CLIC6: variants seen among roughly 807,000 people sequenced by gnomAD.
CLIC6 encodes chloride intracellular channel protein 6.
A neutral mutation model predicts 49.2 loss-of-function variants in CLIC6; 39 were observed. The observed-to-expected ratio is 0.79, with a 90% confidence interval of 0.61 to 1.04. The LOEUF (loss-of-function observed/expected upper bound fraction) is 1.04. CLIC6 is among the 50% of genes least tolerant of loss of function. The pLI, the probability that CLIC6 is intolerant of heterozygous loss-of-function variation, is 0.00. For synonymous variants in CLIC6, 446 were observed against 433.4 expected (o/e 1.03, Z -0.36); for missense variants, 988 against 993.1 (o/e 0.99, Z 0.07).
In CLIC6 at chr21:34,708,776, A is replaced by G. The variant is rs777770990; in HGVS notation, c.1687A>G (p.Ile563Val). Residue 563 changes from isoleucine (I) to valine (V), a missense_variant, in exon 4 of 6, where the codon ATA (isoleucine) becomes GTA (valine). By Grantham distance (29) the Ile-to-Val change is conservative (BLOSUM62 3). Transcript: ENST00000349499. ...CGTGTTTGCCAAATTCTCAGCGTTT[A>G]TAAAAAACACGAAGAAGGATGCAAA... ...NDVFAKFSAF[I>V]KNTKKDANEI... 9 of 1,614,056 alleles carry G rather than the reference A, an allele frequency of 5.6e-6. No homozygotes were observed. In the South Asian group the frequency reaches 7.7e-5, roughly 14 times the overall value.
intron 5 of CLIC6, among the ~76,000 whole-genome samples, chr21:34,715,373 A>G (rs1265634751): frequency 3.3e-5 from 5 of 152,154 alleles, no homozygotes; most frequent in Non-Finnish European, 5.9e-5. Context: ...TATCGTTGCA[A>G]ACTGGGGAAA....
chr21:34,714,707 A>C (rs58920788), intron 5 of CLIC6, among the ~76,000 whole-genome samples: 20,558 of 151,384 alleles, frequency 0.14, 2,276 homozygotes, highest in African/African-American at 0.31. Context: ...AAAAAAAAAA[A>C]AAACTTGATA....
chr21:34,687,100 C>G lies in CLIC6; in HGVS notation c.1374+16338C>G, dbSNP rs145003506. 2.4e-3 allele frequency among the ~76,000 whole-genome samples: 361 copies of G among 152,282 alleles called. 2 individuals are homozygous for G. The highest frequency in any genetic ancestry group is 4.1e-3 in the Non-Finnish European group (282 of 68,032). On this transcript the variant is annotated intron_variant, in intron 1 of 5. Transcript: ENST00000349499. ...TGGGATATGCCATGACTGATGTCTC[C>G]TCTAAGCTAGTGAAATCTGAGTGGG...
chr21:34,682,400 G>A (rs951031275), intron 1 of CLIC6, among the ~76,000 whole-genome samples: 1 of 152,042 alleles, frequency 6.6e-6, no homozygotes, highest in Non-Finnish European at 1.5e-5. Context: ...TATGTGTGAG[G>A]TCGAGTATAC....
chr21:34,697,331 T>C (rs929637460), intron 1 of CLIC6, among the ~76,000 whole-genome samples: 2 of 152,120 alleles, frequency 1.3e-5, no homozygotes, highest in Admixed American at 1.3e-4. Context: ...TCCACAGACT[T>C]GGGGAGTTTG....
chr21:34,681,886 T>C (rs7280647), intron 1 of CLIC6, among the ~76,000 whole-genome samples: 2,396 of 152,294 alleles, frequency 0.016, 67 homozygotes, highest in African/African-American at 0.055. Flanking sequence ...ATCTTTAAAA[T>C]ACCACATCTA....
chr21:34,702,092 G>T (rs949053521), intron 1 of CLIC6, among the ~76,000 whole-genome samples: 15 of 152,300 alleles, frequency 9.8e-5, no homozygotes, highest in African/African-American at 2.6e-4. Context: ...GGCCCCAGGC[G>T]CATGGGAGCC....
chr21:34,681,948 G>C (rs1412829497), intron 1 of CLIC6, among the ~76,000 whole-genome samples: 1 of 152,104 alleles, frequency 6.6e-6, no homozygotes, highest in Non-Finnish European at 1.5e-5. Context: ...TTTACATCTT[G>C]CTTTCTTCCC....
chr21:34,676,250 T>C (rs1989668891), intron 1 of CLIC6, among the ~76,000 whole-genome samples: 1 of 150,654 alleles, frequency 6.6e-6, no homozygotes, highest in Non-Finnish European at 1.5e-5. Flanking sequence ...AACCTAGAAG[T>C]GGAAGGAGTA....
intron 1 of CLIC6, among the ~76,000 whole-genome samples, chr21:34,702,689 G>C (rs970862017): frequency 2.0e-5 from 3 of 152,292 alleles, no homozygotes; most frequent in Non-Finnish European, 4.4e-5. Context: ...ATGCATGCTT[G>C]ACTGCCAGTG....
At chr21:34,676,281 T>A (rs1044975544) in intron 1 of CLIC6, among the ~76,000 whole-genome samples, 2 of 3,892 alleles carry the variant, frequency 5.1e-4, no homozygotes, top group Non-Finnish European at 8.8e-4. Flanking sequence ...AACACTCCAA[T>A]CCATGCTTGA....
At chr21:34,715,376 T>G (rs993910055) in intron 5 of CLIC6, among the ~76,000 whole-genome samples, 2 of 152,122 alleles carry the variant, frequency 1.3e-5, no homozygotes, top group African/African-American at 4.8e-5. Context: ...CGTTGCAAAC[T>G]GGGGAAATTT....
intron 1 of CLIC6, among the ~76,000 whole-genome samples, chr21:34,686,688 C>T (rs181348424): frequency 6.6e-6 from 1 of 152,316 alleles, no homozygotes; most frequent in East Asian, 1.9e-4. Context: ...GGAGGGGCTA[C>T]CTGTGGGTGC....
chr21:34,688,179 A>G (rs1371598206), intron 1 of CLIC6, among the ~76,000 whole-genome samples: 1 of 152,254 alleles, frequency 6.6e-6, no homozygotes, highest in African/African-American at 2.4e-5. Flanking sequence ...TTGAGCTGGT[A>G]TAATAACAAT....
At position 34,669,148 on chromosome 21, in the gene CLIC6, A is replaced by G. The variant is rs941902589; in HGVS notation, c.-241A>G. Reference sequence around the variant, plus strand: ...AATCGGGGAGAAGCTCCAGCAGTGGAGGAAGAGTCCAGGGAGTTTCAGCTG... The same window carrying G: ...AATCGGGGAGAAGCTCCAGCAGTGGGGGAAGAGTCCAGGGAGTTTCAGCTG... On this transcript the variant is annotated 5_prime_UTR_variant, in exon 1 of 6. Coordinates refer to ENST00000349499, the MANE Select transcript of CLIC6 (RefSeq NM_053277.3). 2.6e-5 allele frequency among the ~76,000 whole-genome samples: 4 copies of G among 152,204 alleles called. No individual in the cohort carries two copies. The highest frequency in any genetic ancestry group is 5.9e-5 in the Non-Finnish European group (4 of 68,016).
chr21:34,704,817 T>A (rs2056003435), intron 1 of CLIC6, among the ~76,000 whole-genome samples: 1 of 152,172 alleles, frequency 6.6e-6, no homozygotes, highest in Admixed American at 6.5e-5. Context: ...TCAAGGGAAA[T>A]CACTAACTTG....
intron 3 of CLIC6, 64 bp from the exon 4 acceptor site, chr21:34,708,636 T>G: frequency 9.0e-7 from 1 of 1,106,556 alleles, no homozygotes; most frequent in Middle Eastern, 2.0e-4. Context: ...TTTTCTCCAT[T>G]GTATAGTATT....
chr21:34,695,931 G>A (rs1990080241), intron 1 of CLIC6, among the ~76,000 whole-genome samples: 2 of 152,214 alleles, frequency 1.3e-5, no homozygotes, highest in Non-Finnish European at 2.9e-5. Context: ...CTTGTTGGAA[G>A]AAAGGGTGGA....
chr21:34,693,946 G>GTTT (rs369698415), intron 1 of CLIC6, among the ~76,000 whole-genome samples: 2,460 of 147,200 alleles, frequency 0.017, 74 homozygotes, highest in African/African-American at 0.06. Flanking sequence ...TATGAGATCT[G>GTTT]TTGTTGTTGT....
Sources: gnomAD v4.1 joint callset for allele counts (sites outside exome capture counted in the v4.1 genomes callset) on GRCh38, gnomAD v4.1.1 for gene constraint, MANE v1.5 for transcripts, NCBI Gene and HGNC (gene_info 2026-07-23, HGNC 2026-07-21) for gene names.